DENND4A: variants seen among roughly 807,000 people sequenced by gnomAD.
The protein encoded by DENND4A is DENN domain containing 4A.
A neutral mutation model predicts 199.3 loss-of-function variants in DENND4A; 70 were observed. The observed-to-expected ratio is 0.35, with a 90% confidence interval of 0.29 to 0.43. The LOEUF is 0.43. Among genes scored for constraint, DENND4A ranks in the 20% least tolerant of loss-of-function variants. The pLI is 1.00. For missense variants in DENND4A, 1,723 were observed against 2,255.8 expected, an observed-to-expected ratio of 0.76 and a Z score of 4.78; for synonymous variants, 686 against 766.9, an observed-to-expected ratio of 0.89 and a Z score of 1.74.
At chr15:65,681,811 G>A (rs902415021) in intron 23 of DENND4A, among the ~76,000 whole-genome samples, 4 of 152,094 alleles carry the variant, frequency 2.6e-5, no homozygotes, top group Admixed American at 1.3e-4. Flanking sequence ...CAAGGGATCC[G>A]CCTGCCTCAG....
At chr15:65,667,108 G>A (rs1352580449) in intron 29 of DENND4A, among the ~76,000 whole-genome samples, 1 of 152,124 alleles carries the variant, frequency 6.6e-6, no homozygotes, top group East Asian at 1.9e-4. Flanking sequence ...GAGGCAGGTG[G>A]ATCATAAGGT....
chr15:65,762,907 A>G (rs2076888785), intron 1 of DENND4A, among the ~76,000 whole-genome samples: 1 of 152,236 alleles, frequency 6.6e-6, no homozygotes, highest in South Asian at 2.1e-4. Context: ...GTACTTACAT[A>G]GAATCATTTA....
intron 9 of DENND4A, chr15:65,731,375 CTACA>C (rs978061707): frequency 9.5e-5 from 47 of 495,398 alleles, no homozygotes; most frequent in Admixed American, 7.1e-4. Context: ...TTCTCATCAT[CTACA>C]TACATAAATA....
intron 1 of DENND4A, chr15:65,766,533 G>C (rs2076991614): frequency 6.6e-6 from 1 of 152,104 alleles, no homozygotes. Context: ...ATATGGTATT[G>C]TGGGACACGA....
chr15:65,782,883 C>G (rs1229341630), intron 1 of DENND4A, among the ~76,000 whole-genome samples: 1 of 150,950 alleles, frequency 6.6e-6, no homozygotes, highest in African/African-American at 2.4e-5. Flanking sequence ...ATTCTTAGTC[C>G]AAATGTAAAG....
chr15:65,733,128 A>C (rs1399695304), intron 7 of DENND4A, among the ~76,000 whole-genome samples: 1 of 152,200 alleles, frequency 6.6e-6, no homozygotes, highest in Non-Finnish European at 1.5e-5. Flanking sequence ...ATTACCCAAA[A>C]AGTAAATTCT....
chr15:65,767,158 A>G (rs571652916), intron 1 of DENND4A: 1 of 152,344 alleles, frequency 6.6e-6, no homozygotes, highest in South Asian at 2.1e-4. Context: ...TCAGCACAGT[A>G]GAAAAAAATG....
At chr15:65,707,889 T>A (rs2142270664) in intron 14 of DENND4A, among the ~76,000 whole-genome samples, 1 of 152,170 alleles carries the variant, frequency 6.6e-6, no homozygotes, top group East Asian at 1.9e-4. Context: ...TTTTACCATG[T>A]TGGCCAGGCT....
chr15:65,673,110 C>T (rs1448892656), intron 24 of DENND4A, among the ~76,000 whole-genome samples: 1 of 151,808 alleles, frequency 6.6e-6, no homozygotes, highest in Non-Finnish European at 1.5e-5. Context: ...ATCTGTCCAC[C>T]TCAGCCTCCC....
At chr15:65,727,907 G>A (rs1383008053) in intron 11 of DENND4A, 2 of 299,972 alleles carry the variant, frequency 6.7e-6, no homozygotes, top group South Asian at 3.0e-5. Context: ...TAAAACCCTT[G>A]CATCCCTAGG....
In DENND4A at chr15:65,690,823, A is replaced by G; in HGVS notation, c.3771T>C (p.Asn1257=). The G allele has an allele frequency of 6.2e-7, 1 of 1,613,302 alleles. No homozygotes were observed. The highest frequency in any genetic ancestry group is 8.5e-7 in the Non-Finnish European group (1 of 1,179,732). ...GACTTGTCAAAGGACTGCTCATGTT[A>G]TTCATATACATCACAATTTCTTCAG... ...DLAEEIVMYM[N]NMSSPLTSRT... The change falls in exon 23 of 33, where the codon AAT becomes AAC. Residue 1257 remains asparagine, a synonymous_variant. Transcript: ENST00000443035.
chr15:65,721,769 G>A (rs913206154), intron 12 of DENND4A, among the ~76,000 whole-genome samples: 1 of 151,778 alleles, frequency 6.6e-6, no homozygotes, highest in Non-Finnish European at 1.5e-5. Flanking sequence ...ACATCTTAAG[G>A]AGTCAAATAC....
chr15:65,688,600 T>C (rs1486817980), intron 23 of DENND4A, among the ~76,000 whole-genome samples: 2 of 152,220 alleles, frequency 1.3e-5, no homozygotes, highest in African/African-American at 2.4e-5. Context: ...CCAGTTTGCA[T>C]CTGTCCCATA....
intron 12 of DENND4A, among the ~76,000 whole-genome samples, chr15:65,720,982 T>TATATATATATATATATATATATATATA (rs71447856): frequency 7.6e-4 from 94 of 123,706 alleles, no homozygotes; most frequent in Non-Finnish European, 1.0e-3. Context: ...TATATATATA[T>TATATATATATATATATATATATATATA]TTGTACTTTT....
chr15:65,732,145 A>C (rs1031214326), intron 8 of DENND4A, among the ~76,000 whole-genome samples: 6 of 152,110 alleles, frequency 3.9e-5, no homozygotes, highest in African/African-American at 1.4e-4. Context: ...TAGTTGTGAC[A>C]GAGATCAGAT....
intron 1 of DENND4A, chr15:65,767,411 C>T (rs868145324): frequency 1.3e-4 from 20 of 152,128 alleles, no homozygotes; most frequent in Admixed American, 6.5e-5. Context: ...CAGTACCTGG[C>T]AAATAGTATA....
intron 9 of DENND4A, among the ~76,000 whole-genome samples, chr15:65,730,121 T>C (rs1051579220): frequency 2.0e-5 from 3 of 152,154 alleles, no homozygotes; most frequent in African/African-American, 7.2e-5. Context: ...CCCACTTCCC[T>C]TAAGGTAAAT....
chr15:65,700,792 A>G (rs568489681), intron 19 of DENND4A, 117 bp from the exon 20 acceptor site: 137 of 1,110,394 alleles, frequency 1.2e-4, no homozygotes, highest in Non-Finnish European at 1.5e-4. Flanking sequence ...CCACATACTT[A>G]GCAAAATACA....
intron 1 of DENND4A, among the ~76,000 whole-genome samples, chr15:65,764,574 T>TGAGCAGAGA (rs1020948421): frequency 3.5e-4 from 53 of 152,026 alleles, no homozygotes; most frequent in African/African-American, 1.1e-3. Context: ...GAGGTTGCAG[T>TGAGCAGAGA]GAGCAGAGAT....
Sources: gnomAD v4.1 joint callset for allele counts (sites outside exome capture counted in the v4.1 genomes callset) on GRCh38, gnomAD v4.1.1 for gene constraint, MANE v1.5 for transcripts, NCBI Gene and HGNC (gene_info 2026-07-23, HGNC 2026-07-21) for gene names.